The following SLC38A4 variants were observed in gnomAD, a reference collection of about 807,000 sequenced individuals.
SLC38A4 encodes the protein solute carrier family 38 member 4.
SLC38A4 carries 20 observed loss-of-function variants against 63.1 expected under a neutral mutation model. The ratio of observed to expected loss-of-function variants is 0.32; its 90% CI spans 0.22 to 0.46. The LOEUF is 0.46. SLC38A4 is among the 20% of genes least tolerant of loss of function. The pLI is 1.00. For missense variants in SLC38A4, 526 were observed against 663.6 expected (o/e 0.79, Z 2.28); for synonymous variants, 230 against 225.5 (o/e 1.02, Z -0.18).
Position 46,766,522 on chromosome 12 carries a change from T to A in SLC38A4, c.*179A>T. The A allele has an allele frequency of 5.9e-6, 4 of 682,204 alleles. No individual in the cohort carries two copies. Among genetic ancestry groups the A allele is most frequent in the Non-Finnish European group, 8.1e-6 (3 of 371,712 alleles). 42.3% of individuals were successfully genotyped at this position (682,204 alleles called of 1,614,324 possible). On this transcript the variant is annotated 3_prime_UTR_variant, in exon 17 of 17. Coordinates refer to ENST00000266579, the MANE Select transcript of SLC38A4 (RefSeq NM_018018.5). Reference sequence around the variant, plus strand: ...TTTATTTTAAACACATACACAACCATCCTTGACAAAAACAGTGATTTTCCT... The same window carrying A: ...TTTATTTTAAACACATACACAACCAACCTTGACAAAAACAGTGATTTTCCT...
At position 46,784,569 on chromosome 12, in the gene SLC38A4, C is replaced by A. The variant is rs201594735; in HGVS notation, c.466G>T (p.Val156Phe). The A allele has an allele frequency of 1.5e-5, 24 of 1,612,842 alleles. No individual in the cohort carries two copies. The highest frequency in any genetic ancestry group is 3.3e-4 in the Middle Eastern group (2 of 6,044). ...FGWPGKIGAF[V>F]SITMQNIGAM... is the part of the protein sequence containing the mutation. ...CCAATGTTCTGCATTGTAATGGAAA[C>A]AAAAGCTCCAATTTTTCCCGGCCAT... Residue 156 changes from valine to phenylalanine, a missense_variant, in exon 7 of 17, where the codon GTT becomes TTT. Coordinates refer to ENST00000266579, the MANE Select transcript of SLC38A4 (RefSeq NM_018018.5).
At chr12:46,805,364 A>G (rs1211297196) in intron 1 of SLC38A4, among the ~76,000 whole-genome samples, 1 of 152,088 alleles carries the variant, frequency 6.6e-6, no homozygotes, top group African/African-American at 2.4e-5. Context: ...AGATATATAC[A>G]CATGAAAACT....
At chr12:46,788,951 G>A (rs181205360) in intron 3 of SLC38A4, among the ~76,000 whole-genome samples, 198 of 152,294 alleles carry the variant, frequency 1.3e-3, no homozygotes, top group African/African-American at 4.4e-3. Context: ...TCCAAAGAAA[G>A]AGTACAGGGT....
chr12:46,783,227 TGATAGATA>T (rs66798597), intron 7 of SLC38A4, among the ~76,000 whole-genome samples: 6,563 of 143,778 alleles, frequency 0.046, 180 homozygotes, highest in East Asian at 0.11. Flanking sequence ...AATTGATAGA[TGATAGATA>T]GATAGATAGA....
chr12:46,830,298 T>A (rs74082912), upstream of SLC38A4, among the ~76,000 whole-genome samples: 2,296 of 148,358 alleles, frequency 0.015, 21 homozygotes, highest in Non-Finnish European at 0.021. Flanking sequence ...TCTCTCTCTC[T>A]CACACACACA....
rs2120727259 is a variant in SLC38A4, at chr12:46,766,627, A to G, written c.*74T>C. 1 of 1,019,490 alleles carries G rather than the reference A, an allele frequency of 9.8e-7. No homozygotes were observed. Among genetic ancestry groups the G allele is most frequent in the Non-Finnish European group, 1.5e-6 (1 of 660,554 alleles). The allele number at this position is 1,019,490 out of a possible 1,614,324, so 63.2% of individuals were successfully genotyped here. On this transcript the variant is annotated 3_prime_UTR_variant, in exon 17 of 17. Coordinates refer to ENST00000266579, the MANE Select transcript of SLC38A4 (RefSeq NM_018018.5). ...ATTTCCTATGAATAACATTCCAATC[A>G]AGATAATTCAAATATCTTTTGGAGT...
At chr12:46,809,440 T>C (rs1939298282) in intron 1 of SLC38A4, among the ~76,000 whole-genome samples, 3 of 152,074 alleles carry the variant, frequency 2.0e-5, no homozygotes, top group South Asian at 4.1e-4. Flanking sequence ...GTCTCCTCAG[T>C]AGAGAAGAGG....
chr12:46,777,569 T>G (rs1199330024), intron 12 of SLC38A4, among the ~76,000 whole-genome samples: 1 of 151,986 alleles, frequency 6.6e-6, no homozygotes, highest in East Asian at 1.9e-4. Flanking sequence ...TAAATCAGAA[T>G]TTATGGGGAA....
chr12:46,812,970 T>A (rs988427341), intron 1 of SLC38A4, among the ~76,000 whole-genome samples: 4 of 152,066 alleles, frequency 2.6e-5, no homozygotes, highest in African/African-American at 4.8e-5. Flanking sequence ...AGTATTTTTT[T>A]AATTCCCTTT....
intron 7 of SLC38A4, among the ~76,000 whole-genome samples, chr12:46,783,822 G>T (rs1287742192): frequency 6.6e-6 from 1 of 152,000 alleles, no homozygotes; most frequent in Non-Finnish European, 1.5e-5. Flanking sequence ...GGGGCCATGT[G>T]CCAGGAAGCA....
At chr12:46,826,942 CAT>C (rs1491519735), upstream of SLC38A4, among the ~76,000 whole-genome samples, 1 of 152,108 alleles carries the variant, frequency 6.6e-6, no homozygotes, top group African/African-American at 2.4e-5. Context: ...CAGAAAGAAA[CAT>C]GTTTTCTTTC....
chr12:46,809,639 T>G (rs1939302068), intron 1 of SLC38A4, among the ~76,000 whole-genome samples: 1 of 152,088 alleles, frequency 6.6e-6, no homozygotes, highest in African/African-American at 2.4e-5. Context: ...TTGCTTTAGT[T>G]AGGAATTATA....
At chr12:46,813,416 T>A (rs796358031) in intron 1 of SLC38A4, among the ~76,000 whole-genome samples, 1 of 152,108 alleles carries the variant, frequency 6.6e-6, no homozygotes, top group South Asian at 2.1e-4. Flanking sequence ...CAAATATGGA[T>A]CTGCCCAGTG....
intron 2 of SLC38A4, among the ~76,000 whole-genome samples, chr12:46,799,333 G>A (rs1404626846): frequency 6.6e-6 from 1 of 152,110 alleles, no homozygotes. Context: ...TGGGCACGGT[G>A]GCTCACACCT....
At chr12:46,825,018 A>G (rs954076595) in intron 1 of SLC38A4, among the ~76,000 whole-genome samples, 4 of 151,820 alleles carry the variant, frequency 2.6e-5, no homozygotes, top group Non-Finnish European at 4.4e-5. Flanking sequence ...ATGCAAATAT[A>G]TAATTACTTT....
upstream of SLC38A4, among the ~76,000 whole-genome samples, chr12:46,827,073 G>T (rs1939668054): frequency 6.6e-6 from 1 of 152,182 alleles, no homozygotes; most frequent in South Asian, 2.1e-4. Context: ...AGGGAACTGA[G>T]ATAATAGTCA....
chr12:46,821,153 C>A (rs978908718), intron 1 of SLC38A4, among the ~76,000 whole-genome samples: 1 of 152,030 alleles, frequency 6.6e-6, no homozygotes, highest in Admixed American at 6.6e-5. Flanking sequence ...TGTGCAGAAG[C>A]CTTTTAGTTT....
chr12:46,784,351 A>T (rs902470440), intron 7 of SLC38A4, among the ~76,000 whole-genome samples, 191 bp downstream of exon 7: 2 of 152,180 alleles, frequency 1.3e-5, no homozygotes, highest in Admixed American at 1.3e-4. Context: ...ATGTTATTTC[A>T]TTCTTAGATA....
chr12:46,783,989 G>T (rs1199109347), intron 7 of SLC38A4, among the ~76,000 whole-genome samples: 1 of 151,834 alleles, frequency 6.6e-6, no homozygotes, highest in Non-Finnish European at 1.5e-5. Flanking sequence ...TGATAATTCA[G>T]TGGGAATTAT....
Sources: allele counts gnomAD v4.1 joint callset (sites outside exome capture counted in the v4.1 genomes callset), GRCh38; gene constraint gnomAD v4.1.1; transcripts MANE v1.5; gene names NCBI Gene and HGNC (gene_info 2026-07-23, HGNC 2026-07-21).